CBFA2T2: variants seen among roughly 807,000 people sequenced by gnomAD.
The protein encoded by CBFA2T2 is protein CBFA2T2.
A neutral mutation model predicts 62.2 loss-of-function variants in CBFA2T2; 11 were observed. That is an observed-to-expected ratio of 0.18 (90% CI 0.11 to 0.29). CBFA2T2 has a LOEUF of 0.29. CBFA2T2 is among the 10% of genes least tolerant of loss of function. The probability of loss-of-function intolerance (pLI) is 1.00; values close to 1 mark genes in which losing one functional copy is unlikely to be tolerated. For synonymous variants in CBFA2T2, 295 were observed against 287.5 expected (o/e 1.03, Z -0.27); for missense variants, 592 against 774.1 (o/e 0.76, Z 2.79).
At chr20:33,567,394 G>A (rs1028466818) in intron 1 of CBFA2T2, among the ~76,000 whole-genome samples, 1 of 152,124 alleles carries the variant, frequency 6.6e-6, no homozygotes, top group African/African-American at 2.4e-5. Flanking sequence ...AATGGAGTGT[G>A]TACAGTAGTC....
intron 1 of CBFA2T2, among the ~76,000 whole-genome samples, chr20:33,574,902 A>T (rs1056417986): frequency 6.6e-6 from 1 of 152,218 alleles, no homozygotes; most frequent in Non-Finnish European, 1.5e-5. Flanking sequence ...GATTAAACTG[A>T]TCAATGTTTT....
rs1196003433 is a variant in CBFA2T2, at chr20:33,514,206, G to GTTTT, written c.34+23928_34+23931dup. ...GCGTGAGCCACCGTGCCCTGCCTTTGTTTTTTTTTTTTTTTTTTTTTTTTT... is the reference window on the plus strand; with the variant it reads ...GCGTGAGCCACCGTGCCCTGCCTTTGTTTTTTTTTTTTTTTTTTTTTTTTTTTTT... On this transcript the variant is annotated intron_variant, in intron 1 of 10. Transcript: ENST00000342704. Among the ~76,000 whole-genome samples, 24 of 53,348 alleles carry GTTTT rather than the reference G, an allele frequency of 4.5e-4. 3 individuals are homozygous for GTTTT. The highest frequency in any genetic ancestry group is 7.7e-4 in the South Asian group (1 of 1,302). 35.0% of individuals were successfully genotyped at this position (53,348 alleles called of 152,430 possible). A position where few individuals can be genotyped will look rare whatever the true frequency, so the allele number is the denominator to read the frequency against.
At chr20:33,572,645 T>C (rs1274402872) in intron 1 of CBFA2T2, among the ~76,000 whole-genome samples, 1 of 152,218 alleles carries the variant, frequency 6.6e-6, no homozygotes, top group Non-Finnish European at 1.5e-5. Flanking sequence ...GAACTCAGTA[T>C]GTTCAAAGAA....
At chr20:33,587,379 G>A (rs2014417397) in intron 1 of CBFA2T2, among the ~76,000 whole-genome samples, 1 of 151,550 alleles carries the variant, frequency 6.6e-6, no homozygotes, top group Admixed American at 6.6e-5. Context: ...TGATTCTCCT[G>A]CCTCAGCCTC....
intron 1 of CBFA2T2, among the ~76,000 whole-genome samples, chr20:33,555,883 A>G (rs1336497186): frequency 6.6e-6 from 1 of 151,796 alleles, no homozygotes; most frequent in East Asian, 1.9e-4. Context: ...CTTCTTTCTT[A>G]GAGACAGGGT....
chr20:33,623,204 C>T lies in CBFA2T2; in HGVS notation c.600C>T (p.His200=), dbSNP rs1568859767. Residue 200 remains histidine, a synonymous_variant, in exon 5 of 11, where the codon CAC becomes CAT. Coordinates refer to ENST00000342704, the MANE Select transcript of CBFA2T2 (RefSeq NM_001032999.3). Reference sequence around the variant, plus strand: ...CCCAGTACCTGGCTCAGCACGAACACCTTCTGCTCAACACAAGCATTGCAT... The same window carrying T: ...CCCAGTACCTGGCTCAGCACGAACATCTTCTGCTCAACACAAGCATTGCAT... ...TPSQYLAQHE[H]LLLNTSIASP... 1 of 1,614,268 alleles carries T rather than the reference C, an allele frequency of 6.2e-7. No homozygotes were observed. Among genetic ancestry groups the T allele is most frequent in the South Asian group, 1.1e-5 (1 of 91,086 alleles).
At chr20:33,554,961 T>C (rs1005778625) in intron 1 of CBFA2T2, among the ~76,000 whole-genome samples, 2 of 152,208 alleles carry the variant, frequency 1.3e-5, no homozygotes. Flanking sequence ...ATAAAAACTT[T>C]AGACAGACAT....
intron 1 of CBFA2T2, among the ~76,000 whole-genome samples, chr20:33,569,356 A>G (rs2013458679): frequency 6.6e-6 from 1 of 152,260 alleles, no homozygotes; most frequent in Non-Finnish European, 1.5e-5. Context: ...GTTTACACAA[A>G]TAATTGTTCT....
intron 4 of CBFA2T2, among the ~76,000 whole-genome samples, chr20:33,620,543 A>G (rs2015913269): frequency 6.6e-6 from 1 of 151,902 alleles, no homozygotes; most frequent in African/African-American, 2.4e-5. Flanking sequence ...AGAAATATTT[A>G]AGAGTAAGCC....
intron 4 of CBFA2T2, among the ~76,000 whole-genome samples, chr20:33,621,872 G>T (rs1675865623): frequency 6.6e-6 from 1 of 152,204 alleles, no homozygotes; most frequent in African/African-American, 2.4e-5. Context: ...TGAGCAGCCT[G>T]TGGTGCCTTT....
chr20:33,617,314 T>C (rs2015747168), intron 3 of CBFA2T2, among the ~76,000 whole-genome samples: 1 of 152,244 alleles, frequency 6.6e-6, no homozygotes, highest in Admixed American at 6.5e-5. Context: ...CATCATACTG[T>C]AATGAATAGC....
intron 1 of CBFA2T2, among the ~76,000 whole-genome samples, chr20:33,579,878 G>T (rs1012768136): frequency 6.6e-6 from 1 of 150,726 alleles, no homozygotes; most frequent in African/African-American, 2.4e-5. Context: ...GCAATGGCAC[G>T]GTCTCGGCTC....
intron 3 of CBFA2T2, among the ~76,000 whole-genome samples, chr20:33,616,071 G>GTAGA (rs908249124): frequency 1.1e-4 from 16 of 139,514 alleles, no homozygotes; most frequent in Admixed American, 9.5e-4. Flanking sequence ...GCAATACTCT[G>GTAGA]TAGATAGAGA....
At chr20:33,544,365 C>G (rs927530527) in intron 1 of CBFA2T2, among the ~76,000 whole-genome samples, 1 of 152,066 alleles carries the variant, frequency 6.6e-6, no homozygotes, top group African/African-American at 2.4e-5. Context: ...CATTTCTTCC[C>G]TTCTCTGCAA....
intron 1 of CBFA2T2, among the ~76,000 whole-genome samples, chr20:33,508,601 C>A (rs538189354): frequency 2.0e-5 from 3 of 152,182 alleles, no homozygotes; most frequent in African/African-American, 7.2e-5. Flanking sequence ...CCATAGGCTC[C>A]AGTGTGTTTT....
chr20:33,623,857 A>T, intron 5 of CBFA2T2: 1 of 717,858 alleles, frequency 1.4e-6, no homozygotes, highest in Non-Finnish European at 2.6e-6. Flanking sequence ...CACACCCGGT[A>T]AGAAACTCTA....
chr20:33,625,005 C>A lies in CBFA2T2; in HGVS notation c.934C>A (p.His312Asn), dbSNP rs762630814. 1 of 1,613,612 alleles carries A rather than the reference C, an allele frequency of 6.2e-7. No homozygotes were observed. The highest frequency in any genetic ancestry group is 8.5e-7 in the Non-Finnish European group (1 of 1,179,654). The part of the protein sequence containing the change: ...MLEHREVRDR[H>N]HSLGLNGGYQ... ...AGAGCATCGAGAAGTTCGTGATAGA[C>A]ACCACAGTCTTGGTAAGCAACCGAA... is the stretch of plus-strand genomic sequence containing the variant. Residue 312 changes from histidine (H) to asparagine (N), a missense_variant, in exon 6 of 11, where the codon CAC becomes AAC. Transcript: ENST00000342704.
chr20:33,541,404 T>C (rs2012406566), intron 1 of CBFA2T2, among the ~76,000 whole-genome samples: 1 of 152,208 alleles, frequency 6.6e-6, no homozygotes, highest in Non-Finnish European at 1.5e-5. Flanking sequence ...TCATCTTTCT[T>C]AAATTGTATA....
intron 1 of CBFA2T2, among the ~76,000 whole-genome samples, chr20:33,561,541 T>G (rs1214275816): frequency 1.3e-5 from 2 of 152,232 alleles, no homozygotes; most frequent in Non-Finnish European, 2.9e-5. Context: ...CGATTTTTAT[T>G]TAGCAGAAAT....
Sources: gnomAD v4.1 joint callset for allele counts (sites outside exome capture counted in the v4.1 genomes callset) on GRCh38, gnomAD v4.1.1 for gene constraint, MANE v1.5 for transcripts, NCBI Gene and HGNC (gene_info 2026-07-23, HGNC 2026-07-21) for gene names.